ARFIP1: variants seen among roughly 807,000 people sequenced by gnomAD.
ARFIP1 encodes ARF interacting protein 1, also known as arfaptin-1.
In ARFIP1, 24 loss-of-function variants were observed where a neutral mutation model predicts 42.5. That is an observed-to-expected ratio of 0.57 (90% CI 0.41 to 0.80). The LOEUF (loss-of-function observed/expected upper bound fraction) is 0.80. Ranked by LOEUF, ARFIP1 falls within the 30% of genes least tolerant of loss-of-function variation. The pLI is 0.00. For synonymous variants in ARFIP1, 141 were observed against 153.7 expected (o/e 0.92, Z 0.61); for missense variants, 354 against 434.0 (o/e 0.82, Z 1.64).
rs895180454 is a variant in ARFIP1, at chr4:152,910,693, A to G, written c.*474A>G. 1 of 153,358 alleles carries G rather than the reference A, an allele frequency of 6.5e-6. No homozygotes were observed. Among genetic ancestry groups the G allele is most frequent in the Non-Finnish European group, 1.5e-5 (1 of 68,736 alleles). 9.5% of individuals were successfully genotyped at this position (153,358 alleles called of 1,614,324 possible). ...GAAAAAAGAAACTATTTTGCAGAGT[A>G]AAGTTATATGGTGTTCCTGCAGCGT... On this transcript the variant is annotated 3_prime_UTR_variant, in exon 9 of 9. Coordinates refer to ENST00000353617, the MANE Select transcript of ARFIP1 (RefSeq NM_001025595.3).
intron 2 of ARFIP1, among the ~76,000 whole-genome samples, chr4:152,861,266 T>C (rs569545022): frequency 9.2e-5 from 14 of 152,314 alleles, no homozygotes; most frequent in Non-Finnish European, 1.9e-4. Flanking sequence ...CATGACTCCA[T>C]GGCCTAGCAC....
At chr4:152,849,598 A>C (rs1353837887) in intron 2 of ARFIP1, among the ~76,000 whole-genome samples, 1 of 152,158 alleles carries the variant, frequency 6.6e-6, no homozygotes, top group Non-Finnish European at 1.5e-5. Flanking sequence ...GGTACTTGTA[A>C]GTTCTTGTTA....
rs141783453 is a variant in ARFIP1, at chr4:152,799,329, C to T, written c.-10+19103C>T. Among the ~76,000 whole-genome samples the T allele has an allele frequency of 3.5e-3, 538 of 152,154 alleles. 3 individuals are homozygous for T. Among genetic ancestry groups the T allele is most frequent in the Admixed American group, 6.5e-3 (99 of 15,282 alleles). The stretch of plus-strand genomic sequence containing the variant: ...ACAAATTTAACCTTCAGAGAAATGG[C>T]GACTGATTTAGAGGAATTGGTAAGG... On this transcript the variant is annotated intron_variant, in intron 1 of 8. Transcript: ENST00000353617.
At chr4:152,831,832 A>G (rs1429347001) in intron 2 of ARFIP1, among the ~76,000 whole-genome samples, 1 of 152,094 alleles carries the variant, frequency 6.6e-6, no homozygotes, top group African/African-American at 2.4e-5. Context: ...TTACATAGGT[A>G]TACATGTGCC....
chr4:152,881,514 T>C (rs928101653), intron 6 of ARFIP1, among the ~76,000 whole-genome samples: 2 of 152,214 alleles, frequency 1.3e-5, no homozygotes, highest in Non-Finnish European at 2.9e-5. Context: ...GTTGTAAAAA[T>C]GTTGTTTTCT....
intron 8 of ARFIP1, among the ~76,000 whole-genome samples, chr4:152,901,883 A>T (rs1213820245): frequency 6.6e-6 from 1 of 152,224 alleles, no homozygotes; most frequent in African/African-American, 2.4e-5. Context: ...TGTCCCAAGG[A>T]TGTTTTAATA....
At chr4:152,849,917 G>A (rs988270842) in intron 2 of ARFIP1, among the ~76,000 whole-genome samples, 1 of 150,882 alleles carries the variant, frequency 6.6e-6, no homozygotes, top group Non-Finnish European at 1.5e-5. Flanking sequence ...TAGAAATGAA[G>A]ATGTTAATGA....
At chr4:152,857,733 G>A (rs964505551) in intron 2 of ARFIP1, among the ~76,000 whole-genome samples, 7 of 152,106 alleles carry the variant, frequency 4.6e-5, no homozygotes, top group Admixed American at 4.6e-4. Flanking sequence ...ATCTGAAGTG[G>A]CAACCTTTAT....
intron 2 of ARFIP1, among the ~76,000 whole-genome samples, chr4:152,849,321 A>G (rs1233118617): frequency 6.6e-6 from 1 of 152,144 alleles, no homozygotes; most frequent in Non-Finnish European, 1.5e-5. Flanking sequence ...ACAATTCATA[A>G]TGAAAGGTTG....
chr4:152,824,473 C>T (rs1217207848), intron 1 of ARFIP1, among the ~76,000 whole-genome samples: 1 of 152,034 alleles, frequency 6.6e-6, no homozygotes, highest in East Asian at 1.9e-4. Flanking sequence ...GCAGAAAAAG[C>T]ATTTGATAAA....
At chr4:152,781,234 C>CTTTTTTTTTTTTT (rs535397594) in intron 1 of ARFIP1, among the ~76,000 whole-genome samples, 21 of 118,920 alleles carry the variant, frequency 1.8e-4, no homozygotes, top group Admixed American at 1.9e-4. Context: ...TTTCTTTTTT[C>CTTTTTTTTTTTTT]TTTTTTTTTT....
intron 5 of ARFIP1, 129 bp downstream of exon 5, chr4:152,872,693 TAC>T (rs140492117): frequency 0.033 from 17,124 of 517,546 alleles, 458 homozygotes; most frequent in South Asian, 0.1. Context: ...ATGGTAGAAA[TAC>T]AGTTTGAAAA....
chr4:152,873,398 A>G (rs545454631), intron 5 of ARFIP1, among the ~76,000 whole-genome samples: 3 of 152,350 alleles, frequency 2.0e-5, no homozygotes, highest in African/African-American at 7.2e-5. Context: ...CCTTAAAAAT[A>G]TGATGTAGAA....
intron 2 of ARFIP1, 108 bp downstream of exon 2, chr4:152,829,834 C>A: frequency 1.2e-6 from 1 of 860,994 alleles, no homozygotes; most frequent in Non-Finnish European, 1.7e-6. Flanking sequence ...CTTAGATTGG[C>A]TTCAGTCAGG....
At chr4:152,825,229 A>T (rs1232059509) in intron 1 of ARFIP1, among the ~76,000 whole-genome samples, 1 of 152,170 alleles carries the variant, frequency 6.6e-6, no homozygotes, top group Non-Finnish European at 1.5e-5. Context: ...GGAACCAAAA[A>T]AGAGCCCAAA....
At chr4:152,872,597 GGC>G in intron 5 of ARFIP1, 33 bp downstream of exon 5, 3 of 1,341,400 alleles carry the variant, frequency 2.2e-6, no homozygotes, top group African/African-American at 3.0e-5. Context: ...CACCCTAAAT[GGC>G]TCTAAAAAAG....
At chr4:152,783,269 C>G (rs1296417928) in intron 1 of ARFIP1, among the ~76,000 whole-genome samples, 1 of 152,166 alleles carries the variant, frequency 6.6e-6, no homozygotes, top group Non-Finnish European at 1.5e-5. Context: ...AAGATCCCAC[C>G]ACTTCACTCC....
intron 1 of ARFIP1, chr4:152,796,209 C>A (rs1461049062): frequency 2.4e-6 from 2 of 817,470 alleles, no homozygotes; most frequent in African/African-American, 3.4e-5. Context: ...GTAATAACAC[C>A]CAAAGTTGTA....
chr4:152,899,377 T>C (rs1737629418), intron 8 of ARFIP1, among the ~76,000 whole-genome samples: 1 of 152,314 alleles, frequency 6.6e-6, no homozygotes, highest in Admixed American at 6.5e-5. Context: ...TATGGACTTC[T>C]GTGTGGTTTT....
Sources: gnomAD v4.1 joint callset for allele counts (sites outside exome capture counted in the v4.1 genomes callset) on GRCh38, gnomAD v4.1.1 for gene constraint, MANE v1.5 for transcripts, NCBI Gene and HGNC (gene_info 2026-07-23, HGNC 2026-07-21) for gene names.